IGF2R: variants seen among roughly 807,000 people sequenced by gnomAD.
The protein encoded by IGF2R is cation-independent mannose-6-phosphate receptor.
IGF2R carries 91 observed loss-of-function variants against 270.6 expected under a neutral mutation model. That is an observed-to-expected ratio of 0.34 (90% confidence interval 0.28 to 0.40). The LOEUF is 0.40. IGF2R is among the 10% of genes least tolerant of loss of function. IGF2R has a pLI of 1.00. For synonymous variants in IGF2R, 1,316 were observed against 1,258.9 expected (o/e 1.05, Z -0.96); for missense variants, 2,805 against 3,188.3 (o/e 0.88, Z 2.90).
chr6:160,038,979 A>G (rs1467094147), intron 10 of IGF2R, among the ~76,000 whole-genome samples: 1 of 152,218 alleles, frequency 6.6e-6, no homozygotes, highest in African/African-American at 2.4e-5. Flanking sequence ...TAAGCAAATT[A>G]TTTAGCCACC....
intron 44 of IGF2R, among the ~76,000 whole-genome samples, chr6:160,092,422 C>G (rs1779247547): frequency 6.6e-6 from 1 of 152,258 alleles, no homozygotes; most frequent in Non-Finnish European, 1.5e-5. Context: ...GTATGTCTAG[C>G]AGACCTTTGA....
At chr6:160,029,452 T>TC (rs1203627827) in intron 6 of IGF2R, 98 bp from the exon 7 acceptor site, 12 of 682,358 alleles carry the variant, frequency 1.8e-5, no homozygotes, top group Middle Eastern at 5.0e-4. Context: ...TACCCTCTCC[T>TC]CCCCCCCAAG....
chr6:160,027,261 G>T lies in IGF2R; in HGVS notation c.723G>T (p.Gln241His). 6.2e-7 allele frequency: 1 copy of T among 1,614,192 alleles called. No homozygotes were observed. The highest frequency in any genetic ancestry group is 8.5e-7 in the Non-Finnish European group (1 of 1,180,038). The stretch of plus-strand genomic sequence containing the variant: ...CCGCCTGCCTGGTAAGAGGACACCA[G>T]GCGTTTGATGTTGGCCAGCCCCGGG... ...GTAACLVRGHQAFDVGQPRDG... is the reference protein window; with the variant it reads ...GTAACLVRGHHAFDVGQPRDG... Residue 241 changes from glutamine (Q) to histidine (H), a missense_variant, in exon 6 of 48, where the codon CAG (glutamine) becomes CAT (histidine). Physicochemically the swap from Gln to His is conservative, Grantham distance 24. Transcript: ENST00000356956.
intron 20 of IGF2R, among the ~76,000 whole-genome samples, chr6:160,056,815 C>G (rs1778326900): frequency 6.6e-6 from 1 of 152,148 alleles, no homozygotes; most frequent in African/African-American, 2.4e-5. Flanking sequence ...CTGGTGGGCT[C>G]TGGGGCTTCT....
chr6:159,980,242 A>AGAAAGGAAGAAAGGAAGAAAGGAAG (rs1554234715), intron 1 of IGF2R, among the ~76,000 whole-genome samples: 2 of 145,160 alleles, frequency 1.4e-5, no homozygotes, highest in African/African-American at 5.1e-5. Flanking sequence ...AAAGAAAGGT[A>AGAAAGGAAGAAAGGAAGAAAGGAAG]CATGGAAGAT....
intron 1 of IGF2R, among the ~76,000 whole-genome samples, chr6:159,973,051 G>T (rs987071568): frequency 1.3e-5 from 2 of 152,154 alleles, no homozygotes; most frequent in Non-Finnish European, 2.9e-5. Flanking sequence ...TCTGAGGCTA[G>T]TGTGATAGGC....
intron 35 of IGF2R, among the ~76,000 whole-genome samples, chr6:160,074,737 G>A (rs1170709998): frequency 1.3e-5 from 2 of 152,174 alleles, no homozygotes; most frequent in Admixed American, 6.5e-5. Flanking sequence ...GGATCCTCTT[G>A]TAACATATCT....
chr6:159,990,478 C>CT (rs1484374665), intron 1 of IGF2R, among the ~76,000 whole-genome samples: 2 of 152,208 alleles, frequency 1.3e-5, no homozygotes, highest in African/African-American at 4.8e-5. Context: ...TTGTAAGTTT[C>CT]TTGAGGCCTC....
At chr6:160,018,560 A>T (rs1263223856) in intron 4 of IGF2R, among the ~76,000 whole-genome samples, 1 of 152,202 alleles carries the variant, frequency 6.6e-6, no homozygotes, top group South Asian at 2.1e-4. Context: ...GAGATGGACT[A>T]TATGTCATAC....
At chr6:159,987,226 G>A (rs1336828399) in intron 1 of IGF2R, among the ~76,000 whole-genome samples, 1 of 152,138 alleles carries the variant, frequency 6.6e-6, no homozygotes, top group African/African-American at 2.4e-5. Flanking sequence ...TTATGAAATA[G>A]TCTTTAAAAA....
chr6:160,048,201 C>T (rs755447949), intron 17 of IGF2R, among the ~76,000 whole-genome samples, 174 bp from the exon 18 acceptor site: 6 of 152,194 alleles, frequency 3.9e-5, no homozygotes, highest in East Asian at 1.9e-4. Context: ...CTGAGTTCAG[C>T]GAAGGTGGAG....
At chr6:159,989,673 C>A (rs1783946944) in intron 1 of IGF2R, among the ~76,000 whole-genome samples, 1 of 152,226 alleles carries the variant, frequency 6.6e-6, no homozygotes, top group Non-Finnish European at 1.5e-5. Flanking sequence ...TTCAAGTGAT[C>A]CTCTGGCCTT....
intron 4 of IGF2R, among the ~76,000 whole-genome samples, chr6:160,020,649 C>G (rs937346304): frequency 1.9e-4 from 29 of 152,192 alleles, no homozygotes; most frequent in Admixed American, 1.8e-3. Flanking sequence ...TGCATACTTA[C>G]AACCAACTGA....
In IGF2R at chr6:160,110,081, A is replaced by G. The variant is rs761096474; in HGVS notation, c.*4997A>G. 4 of 152,222 alleles carry G rather than the reference A, an allele frequency of 2.6e-5. No homozygotes were observed. The highest frequency in any genetic ancestry group is 5.9e-5 in the Non-Finnish European group (4 of 68,046). The allele number at this position is 152,222 out of a possible 1,614,324, so 9.4% of individuals were successfully genotyped here. ...GGTGTGAGACCTTTCAGAGTCTTTA[A>G]AGGAGAGTTGCTGACCACACGTGAA... On this transcript the variant is annotated 3_prime_UTR_variant, in exon 48 of 48. Transcript: ENST00000356956.
intron 1 of IGF2R, among the ~76,000 whole-genome samples, chr6:159,988,860 C>A (rs1489209199): frequency 6.6e-6 from 1 of 152,048 alleles, no homozygotes; most frequent in Non-Finnish European, 1.5e-5. Context: ...CCTGTGCCTC[C>A]CGCAGTAAGT....
Position 160,056,357 on chromosome 6 carries a change from G to A in IGF2R, c.2695-67G>A, listed in dbSNP as rs964174486. ...TTGGCTATTTTTATGTCTCAGGCGA[G>A]TATTCTTTTGGTTCTATCAAGTTCC... On this transcript the variant is annotated intron_variant, in intron 19 of 47. Coordinates refer to ENST00000356956, the MANE Select transcript of IGF2R (RefSeq NM_000876.4). 4 of 1,084,996 alleles carry A rather than the reference G, an allele frequency of 3.7e-6. No individual in the cohort carries two copies. The East Asian group carries it at 9.5e-5, about 26-fold the overall frequency. The allele number at this position is 1,084,996 out of a possible 1,614,324, so 67.2% of individuals were successfully genotyped here. A position where few individuals can be genotyped will look rare whatever the true frequency, so the allele number is the denominator to read the frequency against.
intron 45 of IGF2R, among the ~76,000 whole-genome samples, chr6:160,099,656 C>T (rs558657762): frequency 1.1e-4 from 17 of 152,274 alleles, no homozygotes; most frequent in Admixed American, 6.5e-4. Context: ...CGTGAGCCAC[C>T]GTGCCCGGCC....
rs1181541985 is a variant in IGF2R, at chr6:159,969,301, C to T, written c.55C>T (p.Pro19Ser). The T allele has an allele frequency of 2.1e-5, 26 of 1,253,038 alleles. No individual in the cohort carries two copies. The highest frequency in any genetic ancestry group is 2.5e-5 in the Non-Finnish European group (25 of 995,598). 77.6% of individuals were successfully genotyped at this position (1,253,038 alleles called of 1,614,324 possible). The stretch of plus-strand genomic sequence containing the variant: ...CCTGGGGCCCGCGCCCGCCCGCCGC[C>T]CGCAGCGCTCTCTGCTCCTGCTGCA... ...PHLGPAPARR[P>S]QRSLLLLQLL... The change falls in exon 1 of 48, where the codon CCG becomes TCG. Residue 19 changes from proline to serine, a missense_variant. Around this residue, in one of 2 missense-constraint regions of IGF2R, gnomAD observed 954 missense variants for 981.1 expected, o/e 0.97. Transcript: ENST00000356956.
chr6:160,042,975 G>A (rs759455030), intron 11 of IGF2R, among the ~76,000 whole-genome samples, 173 bp from the exon 12 acceptor site: 6 of 152,144 alleles, frequency 3.9e-5, no homozygotes, highest in African/African-American at 1.2e-4. Flanking sequence ...TGAGAATCTC[G>A]GTGAATTTTT....
Sources: allele counts gnomAD v4.1 joint callset (sites outside exome capture counted in the v4.1 genomes callset), GRCh38; gene constraint gnomAD v4.1.1; regional missense constraint gnomAD v4.1.1; transcripts MANE v1.5; gene names NCBI Gene and HGNC (gene_info 2026-07-23, HGNC 2026-07-21).